The following FOCAD variants were observed in gnomAD, a reference collection of about 807,000 sequenced individuals.
FOCAD encodes the protein focadhesin, also known as KIAA1797.
In FOCAD, 198 loss-of-function variants were observed where a neutral mutation model predicts 225.6. That is an observed-to-expected ratio of 0.88 (90% CI 0.78 to 0.99). FOCAD has a LOEUF of 0.99. FOCAD is among the 50% of genes least tolerant of loss of function. The pLI is 0.00. For missense variants in FOCAD, 2,713 were observed against 2,123.6 expected (o/e 1.28, Z -5.46); for synonymous variants, 897 against 755.0 (o/e 1.19, Z -3.08).
chr9:20,676,083 T>C (rs999396399), intron 2 of FOCAD, among the ~76,000 whole-genome samples: 1 of 152,208 alleles, frequency 6.6e-6, no homozygotes, highest in Non-Finnish European at 1.5e-5. Flanking sequence ...AGAAAAAGCT[T>C]AGTTGGACAA....
At chr9:20,925,064 T>C (rs1016165200) in intron 25 of FOCAD, among the ~76,000 whole-genome samples, 9 of 152,184 alleles carry the variant, frequency 5.9e-5, no homozygotes, top group Admixed American at 4.6e-4. Context: ...GCCATGGATA[T>C]ATATTACATG....
rs532396400 is a variant in FOCAD, at chr9:20,888,186, G to A, written c.2625+2956G>A. On this transcript the variant is annotated intron_variant, in intron 21 of 43. Coordinates refer to ENST00000338382, the MANE Select transcript of FOCAD (RefSeq NM_001375567.1). ...TGGAGTCTTGCTCTGTTGCCCAGGC[G>A]GGAGTGCAGTGGTGCGATCTCAGCT... is the stretch of plus-strand genomic sequence containing the variant. Among the ~76,000 whole-genome samples, 11 of 140,582 alleles carry A rather than the reference G, an allele frequency of 7.8e-5. No homozygotes were observed. The East Asian group carries it at 1.4e-3, about 18-fold the overall frequency. The allele number at this position is 140,582 out of a possible 152,430, so 92.2% of individuals were successfully genotyped here. A position where few individuals can be genotyped will look rare whatever the true frequency, so the allele number is the denominator to read the frequency against.
At chr9:20,918,981 T>C (rs980626984) in intron 24 of FOCAD, among the ~76,000 whole-genome samples, 2 of 151,854 alleles carry the variant, frequency 1.3e-5, no homozygotes, top group East Asian at 1.9e-4. Flanking sequence ...CACAGGCTGG[T>C]TTGGGTCAGG....
intron 11 of FOCAD, among the ~76,000 whole-genome samples, chr9:20,793,108 G>A (rs1398196107): frequency 2.6e-5 from 4 of 152,152 alleles, no homozygotes; most frequent in African/African-American, 9.7e-5. Context: ...CCAGCAAAAA[G>A]AAGCCAGAAT....
chr9:20,740,742 C>T (rs1271199706), intron 5 of FOCAD, among the ~76,000 whole-genome samples: 2 of 152,116 alleles, frequency 1.3e-5, no homozygotes, highest in African/African-American at 4.8e-5. Flanking sequence ...TAGGAGACTG[C>T]TATTTCCAAG....
chr9:20,807,926 C>T (rs1358396928), intron 11 of FOCAD, among the ~76,000 whole-genome samples: 1 of 151,966 alleles, frequency 6.6e-6, no homozygotes, highest in African/African-American at 2.4e-5. Flanking sequence ...TGGTGCACAC[C>T]TGTAATTCCA....
chr9:20,818,553 A>G (rs959122221), intron 11 of FOCAD, among the ~76,000 whole-genome samples: 3 of 152,106 alleles, frequency 2.0e-5, no homozygotes, highest in African/African-American at 7.2e-5. Flanking sequence ...TGTATGAGAA[A>G]GGGGTCCAAC....
intron 2 of FOCAD, among the ~76,000 whole-genome samples, chr9:20,716,956 C>T (rs7867470): frequency 0.45 from 68,480 of 151,966 alleles, 15,677 homozygotes; most frequent in South Asian, 0.5. Flanking sequence ...TATAATGGTG[C>T]AACTTGCAAT....
chr9:20,800,912 A>C (rs893619671), intron 11 of FOCAD, among the ~76,000 whole-genome samples: 2 of 152,102 alleles, frequency 1.3e-5, no homozygotes, highest in African/African-American at 4.8e-5. Context: ...CCTTTGGAGG[A>C]GGAGAGGCGC....
intron 11 of FOCAD, among the ~76,000 whole-genome samples, chr9:20,814,932 G>A (rs181024188): frequency 4.9e-4 from 75 of 151,888 alleles, no homozygotes; most frequent in African/African-American, 1.7e-3. Context: ...ACGCACCACT[G>A]TTACAATATT....
intron 21 of FOCAD, among the ~76,000 whole-genome samples, chr9:20,902,524 G>T (rs1300951859): frequency 1.3e-5 from 2 of 151,882 alleles, no homozygotes; most frequent in East Asian, 1.9e-4. Flanking sequence ...AAGAGTTTGG[G>T]CTTTATTCTT....
chr9:20,730,281 T>G (rs1021759270), intron 4 of FOCAD, among the ~76,000 whole-genome samples: 2 of 152,054 alleles, frequency 1.3e-5, no homozygotes, highest in African/African-American at 4.8e-5. Flanking sequence ...TAATTCTATG[T>G]TTTTTTTCTT....
At chr9:20,760,769 C>T (rs573663638) in intron 6 of FOCAD, among the ~76,000 whole-genome samples, 8 of 152,070 alleles carry the variant, frequency 5.3e-5, no homozygotes, top group Non-Finnish European at 1.0e-4. Context: ...TTTCATTATT[C>T]TCTGTATTAG....
intron 42 of FOCAD, among the ~76,000 whole-genome samples, chr9:20,991,907 C>G (rs1841709199): frequency 6.6e-6 from 1 of 151,700 alleles, no homozygotes; most frequent in Non-Finnish European, 1.5e-5. Flanking sequence ...CAATGTAGAC[C>G]TCTTGCATTG....
chr9:20,667,852 C>T (rs1258700610), intron 2 of FOCAD, among the ~76,000 whole-genome samples: 2 of 152,014 alleles, frequency 1.3e-5, no homozygotes, highest in African/African-American at 4.8e-5. Flanking sequence ...CTAATGAAGA[C>T]GGGATTCTTT....
intron 27 of FOCAD, among the ~76,000 whole-genome samples, chr9:20,930,045 A>T (rs1160166539): frequency 6.6e-6 from 1 of 152,160 alleles, no homozygotes; most frequent in Admixed American, 6.5e-5. Flanking sequence ...TCACTGAATT[A>T]CCTGAGAACT....
chr9:20,913,007 G>C (rs1224496033), intron 23 of FOCAD, 53 bp downstream of exon 23: 1 of 1,449,896 alleles, frequency 6.9e-7, no homozygotes, highest in East Asian at 2.3e-5. Context: ...TGAGCTATGA[G>C]GGGAAAGGTA....
chr9:20,732,712 G>C (rs1425788703), intron 4 of FOCAD, among the ~76,000 whole-genome samples: 3 of 152,168 alleles, frequency 2.0e-5, no homozygotes, highest in Middle Eastern at 3.2e-3. Flanking sequence ...ACAGAGATTA[G>C]GTGGCTGTTG....
intron 5 of FOCAD, among the ~76,000 whole-genome samples, chr9:20,745,174 G>A (rs1404212207): frequency 1.3e-5 from 2 of 151,152 alleles, no homozygotes; most frequent in Non-Finnish European, 2.9e-5. Context: ...CAGTGGTGCA[G>A]TCTTGGCTCA....
Sources: allele counts gnomAD v4.1 joint callset (sites outside exome capture counted in the v4.1 genomes callset), GRCh38; gene constraint gnomAD v4.1.1; transcripts MANE v1.5; gene names NCBI Gene and HGNC (gene_info 2026-07-23, HGNC 2026-07-21).